Variants in SRBD1 observed in about 807,000 individuals in gnomAD.
SRBD1 encodes S1 RNA binding domain 1, also known as S1 RNA-binding domain-containing protein 1.
A neutral mutation model predicts 115.3 loss-of-function variants in SRBD1; 88 were observed. That is an observed-to-expected ratio of 0.76 (90% CI 0.64 to 0.91). The LOEUF (loss-of-function observed/expected upper bound fraction) is 0.91, where lower values mean the gene tolerates loss of function less well. SRBD1 is among the 40% of genes least tolerant of loss of function. The pLI, the probability that SRBD1 is intolerant of heterozygous loss-of-function variation, is 0.00. For missense variants in SRBD1, 1,385 were observed against 1,177.4 expected, an observed-to-expected ratio of 1.18 and a Z score of -2.58; for synonymous variants, 509 against 407.7, an observed-to-expected ratio of 1.25 and a Z score of -2.99.
At chr2:45,531,940 T>A (rs2103985065) in intron 14 of SRBD1, among the ~76,000 whole-genome samples, 1 of 151,968 alleles carries the variant, frequency 6.6e-6, no homozygotes, top group South Asian at 2.1e-4. Context: ...TTATTCTTTC[T>A]TTCACTAAAG....
intron 19 of SRBD1, among the ~76,000 whole-genome samples, chr2:45,411,494 G>C (rs1667601550): frequency 6.6e-6 from 1 of 152,134 alleles, no homozygotes; most frequent in South Asian, 2.1e-4. Flanking sequence ...ATGGTAGAGG[G>C]AGAAAACTAA....
chr2:45,507,088 G>C (rs1414499527), intron 14 of SRBD1, among the ~76,000 whole-genome samples: 15 of 152,098 alleles, frequency 9.9e-5, no homozygotes. Flanking sequence ...GTAAAAACGA[G>C]GTCTGATGCT....
At chr2:45,486,251 T>C (rs1459588685) in intron 15 of SRBD1, among the ~76,000 whole-genome samples, 1 of 152,076 alleles carries the variant, frequency 6.6e-6, no homozygotes. Flanking sequence ...TCTCAGAAAA[T>C]ATGGTCTAAA....
intron 14 of SRBD1, among the ~76,000 whole-genome samples, chr2:45,499,270 T>C (rs1334415233): frequency 6.6e-6 from 1 of 152,170 alleles, no homozygotes; most frequent in Non-Finnish European, 1.5e-5. Context: ...TTCTTTAATA[T>C]ATCTAGTGGT....
chr2:45,418,187 G>A (rs1315068065), intron 18 of SRBD1, among the ~76,000 whole-genome samples, 178 bp downstream of exon 18: 1 of 152,164 alleles, frequency 6.6e-6, no homozygotes, highest in Non-Finnish European at 1.5e-5. Context: ...TCCGGAATTT[G>A]CTGACTTGCT....
intron 4 of SRBD1, among the ~76,000 whole-genome samples, chr2:45,596,929 AACACAC>A (rs3223332): frequency 1.4e-5 from 2 of 143,130 alleles, no homozygotes; most frequent in African/African-American, 2.6e-5. Context: ...CCACAACCCT[AACACAC>A]ACACACACAC....
chr2:45,517,839 A>AT (rs34232200), intron 14 of SRBD1, among the ~76,000 whole-genome samples: 9,019 of 149,678 alleles, frequency 0.06, 345 homozygotes, highest in Non-Finnish European at 0.089. Flanking sequence ...TACCAAAAAC[A>AT]TTTTTTTTTT....
chr2:45,573,923 G>C (rs775986549), intron 8 of SRBD1, among the ~76,000 whole-genome samples: 1 of 152,078 alleles, frequency 6.6e-6, no homozygotes, highest in African/African-American at 2.4e-5. Context: ...CCTCTCCTCT[G>C]CACAGCTCAA....
chr2:45,604,194 C>T (rs1286561548), intron 2 of SRBD1, among the ~76,000 whole-genome samples: 1 of 152,040 alleles, frequency 6.6e-6, no homozygotes, highest in Non-Finnish European at 1.5e-5. Context: ...CACCAAGAAA[C>T]CAGAATATTT....
intron 16 of SRBD1, among the ~76,000 whole-genome samples, chr2:45,445,448 C>A (rs1460447320): frequency 1.4e-5 from 2 of 142,476 alleles, no homozygotes; most frequent in Admixed American, 7.6e-5. Context: ...TCAGAAGGAA[C>A]CAAAATTAAT....
chr2:45,560,017 G>A (rs1034789345), intron 10 of SRBD1, among the ~76,000 whole-genome samples: 1 of 152,048 alleles, frequency 6.6e-6, no homozygotes, highest in Non-Finnish European at 1.5e-5. Flanking sequence ...GGAAGTCAAG[G>A]CTGCAGTGAG....
intron 1 of SRBD1, among the ~76,000 whole-genome samples, chr2:45,611,018 G>A (rs1572839884): frequency 6.6e-6 from 1 of 152,222 alleles, no homozygotes; most frequent in Non-Finnish European, 1.5e-5. Context: ...GTGTCACGAG[G>A]TAGCTAGGAG....
intron 16 of SRBD1, among the ~76,000 whole-genome samples, chr2:45,465,139 T>C (rs997632066): frequency 4.6e-5 from 7 of 151,964 alleles, no homozygotes; most frequent in African/African-American, 7.3e-5. Flanking sequence ...TAAAACGGTG[T>C]AGTATTTGCA....
chr2:45,393,602 G>C (rs906902900), intron 19 of SRBD1, among the ~76,000 whole-genome samples: 1 of 152,122 alleles, frequency 6.6e-6, no homozygotes, highest in African/African-American at 2.4e-5. Flanking sequence ...GGATGGTCTC[G>C]ATCTCCTGAC....
intron 4 of SRBD1, among the ~76,000 whole-genome samples, chr2:45,594,351 T>C (rs529680577): frequency 1.3e-5 from 2 of 152,262 alleles, no homozygotes; most frequent in African/African-American, 4.8e-5. Flanking sequence ...TACTAAGATA[T>C]TACACATGGC....
chr2:45,575,148 G>C (rs1673138977), intron 7 of SRBD1, among the ~76,000 whole-genome samples: 1 of 151,896 alleles, frequency 6.6e-6, no homozygotes, highest in African/African-American at 2.4e-5. Context: ...AAAACCCAAG[G>C]GACACTACTC....
intron 14 of SRBD1, among the ~76,000 whole-genome samples, chr2:45,508,723 G>A (rs1346413923): frequency 6.6e-6 from 1 of 152,064 alleles, no homozygotes; most frequent in Non-Finnish European, 1.5e-5. Flanking sequence ...TTTATTCTTA[G>A]AACTTTTTTT....
intron 1 of SRBD1, among the ~76,000 whole-genome samples, chr2:45,606,295 G>T (rs950651676): frequency 6.6e-6 from 1 of 151,968 alleles, no homozygotes. Context: ...TAGTAGCTGG[G>T]ATTACAGGCA....
rs1165838633 is a variant in SRBD1, at chr2:45,607,099, A to G, written c.1-1658T>C. On this transcript the variant is annotated intron_variant, in intron 1 of 20. Coordinates refer to ENST00000263736, the MANE Select transcript of SRBD1 (RefSeq NM_018079.5). ...CAGGAAGTAGACAGGATAATCTTCC[A>G]TCTTTCCCTTCACTCTCTTTTTGGC... Among the ~76,000 whole-genome samples the G allele has an allele frequency of 2.0e-5, 3 of 152,170 alleles. No individual in the cohort carries two copies. In the East Asian group the frequency reaches 5.8e-4, roughly 29 times the overall value.
Sources: gnomAD v4.1 joint callset for allele counts (sites outside exome capture counted in the v4.1 genomes callset) on GRCh38, gnomAD v4.1.1 for gene constraint, MANE v1.5 for transcripts, NCBI Gene and HGNC (gene_info 2026-07-23, HGNC 2026-07-21) for gene names.